ZNF649: variants seen among roughly 807,000 people sequenced by gnomAD.
The protein encoded by ZNF649 is zinc finger protein 649.
ZNF649 carries 7 observed loss-of-function variants against 14.1 expected under a neutral mutation model. That is an observed-to-expected ratio of 0.49 (90% CI 0.28 to 0.93). The LOEUF is 0.93. Ranked by LOEUF, ZNF649 falls within the 40% of genes least tolerant of loss-of-function variation. The pLI, the probability that ZNF649 is intolerant of heterozygous loss-of-function variation, is 0.10. For missense variants in ZNF649, 544 were observed against 608.1 expected (o/e 0.89, Z 1.11); for synonymous variants, 227 against 212.3 (o/e 1.07, Z -0.60).
In ZNF649 at chr19:51,891,161, T is replaced by C. The variant is rs1342933251; in HGVS notation, c.975A>G (p.Lys325=). Residue 325 remains lysine (K), a synonymous_variant, in exon 5 of 5, where the codon AAA becomes AAG. Transcript: ENST00000354957. The surrounding 1 kb of genome is among the most constrained non-coding windows in gnomAD (Gnocchi z 4.2). The part of the protein sequence containing the change: ...EKPHTCSECG[K]GFIQKGNLNI... ...TGAGATTGCCCTTCTGAATGAAGCCTTTTCCACATTCACTGCATGTATGAG... is the reference window on the plus strand; with the variant it reads ...TGAGATTGCCCTTCTGAATGAAGCCCTTTCCACATTCACTGCATGTATGAG... The C allele has an allele frequency of 1.9e-6, 3 of 1,614,168 alleles. No homozygotes were observed. In the East Asian group the frequency reaches 6.7e-5, roughly 36 times the overall value.
intron 4 of ZNF649, 133 bp from the exon 5 acceptor site, chr19:51,892,030 G>T (rs1415241537): frequency 3.7e-6 from 4 of 1,084,682 alleles, no homozygotes; most frequent in Non-Finnish European, 5.0e-6. Context: ...AAGTATAAGT[G>T]TTCCCTATCT....
chr19:51,903,037 G>A (rs781136421), intron 1 of ZNF649, among the ~76,000 whole-genome samples: 20 of 152,134 alleles, frequency 1.3e-4, no homozygotes, highest in Non-Finnish European at 2.6e-4. Context: ...ATGGGAAAAG[G>A]AATAAAGGAT....
chr19:51,903,813 C>T (rs960798770), intron 1 of ZNF649, among the ~76,000 whole-genome samples: 1 of 152,098 alleles, frequency 6.6e-6, no homozygotes, highest in East Asian at 1.9e-4. Context: ...AGCTAGATTC[C>T]GTCTGGGGGA....
At chr19:51,904,573 C>G (rs2085112630) in intron 1 of ZNF649, among the ~76,000 whole-genome samples, 1 of 152,140 alleles carries the variant, frequency 6.6e-6, no homozygotes, top group Non-Finnish European at 1.5e-5. Flanking sequence ...CTGCCCAGCA[C>G]CCCGGCTTCA....
At chr19:51,903,374 C>A (rs1441636985) in intron 1 of ZNF649, among the ~76,000 whole-genome samples, 1 of 152,156 alleles carries the variant, frequency 6.6e-6, no homozygotes, top group African/African-American at 2.4e-5. Context: ...TGGCAACCAG[C>A]CTCCCCCGTC....
At chr19:51,902,878 G>T (rs940482627) in intron 1 of ZNF649, among the ~76,000 whole-genome samples, 6 of 152,186 alleles carry the variant, frequency 3.9e-5, no homozygotes, top group Non-Finnish European at 8.8e-5. Flanking sequence ...ACTAAAAACA[G>T]AATGCTATAA....
intron 2 of ZNF649, chr19:51,897,325 A>C (rs2085068584): frequency 5.3e-6 from 1 of 187,446 alleles, no homozygotes; most frequent in Non-Finnish European, 1.1e-5. Context: ...GAAAGAAGCA[A>C]AGTCATAGTA....
In ZNF649 at chr19:51,891,184, G is replaced by A. The variant is rs757254640; in HGVS notation, c.952C>T (p.His318Tyr). 6 of 1,614,242 alleles carry A rather than the reference G, an allele frequency of 3.7e-6. No homozygotes were observed. Among genetic ancestry groups the A allele is most frequent in the Middle Eastern group, 1.6e-4 (1 of 6,062 alleles). The stretch of plus-strand genomic sequence containing the variant: ...CCTTTTCCACATTCACTGCATGTAT[G>A]AGGCTTCTCTCCTGTATGAGTTCGC... ...HQRTHTGEKP[H>Y]TCSECGKGFI... Residue 318 changes from histidine (H) to tyrosine (Y), a missense_variant, in exon 5 of 5, where the codon CAT becomes TAT. His to Tyr is a moderately conservative substitution (Grantham distance 83). Coordinates refer to ENST00000354957, the MANE Select transcript of ZNF649 (RefSeq NM_023074.4). The surrounding 1 kb of genome is among the most constrained non-coding windows in gnomAD (Gnocchi z 4.2).
chr19:51,901,862 G>C (rs1329325018), intron 1 of ZNF649, among the ~76,000 whole-genome samples: 1 of 149,672 alleles, frequency 6.7e-6, no homozygotes, highest in East Asian at 2.0e-4. Flanking sequence ...AGGACTGCTT[G>C]AGCCTGGGAG....
chr19:51,891,349 C>G lies in ZNF649; in HGVS notation c.787G>C (p.Gly263Arg), dbSNP rs1006713835. ...ERAHKGEKPY[G>R]CSECGKAFPR... ...AAGGCTTTCCCACATTCACTGCACC[C>G]GTATGGTTTCTCTCCTTTGTGAGCT... Residue 263 changes from glycine to arginine, a missense_variant, in exon 5 of 5, where the codon GGG (glycine) becomes CGG (arginine). Physicochemically the swap from Gly to Arg is moderately radical, Grantham distance 125. Transcript: ENST00000354957. This position sits in a 1 kb window ranked among gnomAD's most constrained non-coding sequence, Gnocchi z 4.2. 6.2e-7 allele frequency: 1 copy of G among 1,614,184 alleles called. No individual in the cohort carries two copies. Among genetic ancestry groups the G allele is most frequent in the Admixed American group, 1.7e-5 (1 of 60,022 alleles).
chr19:51,896,346 A>G (rs2085062162), intron 4 of ZNF649, 126 bp downstream of exon 4: 1 of 757,980 alleles, frequency 1.3e-6, no homozygotes, highest in African/African-American at 1.7e-5. Flanking sequence ...CTTGTATCCT[A>G]GGGGAGAAGA....
rs1371042127 is a variant in ZNF649 at position 51,891,832 on chromosome 19, C to G, written c.304G>C (p.Gly102Arg). 6.3e-7 allele frequency: 1 copy of G among 1,594,534 alleles called. No homozygotes were observed. The highest frequency in any genetic ancestry group is 2.2e-5 in the East Asian group (1 of 44,820). The change falls in exon 5 of 5, where the codon GGA (glycine) becomes CGA (arginine). Residue 102 changes from glycine to arginine, a missense_variant. Coordinates refer to ENST00000354957, the MANE Select transcript of ZNF649 (RefSeq NM_023074.4). This position sits in a 1 kb window ranked among gnomAD's most constrained non-coding sequence, Gnocchi z 4.2. ...GTTCTTCCGTGTTCATAGCGTTGTC[C>G]CGTCCTCTTCAGTATTTTTTGGTTT... ...LQNQKILKRT[G>R]QRYEHGRTLK... is the part of the protein sequence containing the mutation.
Position 51,891,976 on chromosome 19 carries a change from G to A in ZNF649, c.239-79C>T. ...TTCAAAGATGCCTTGGGGTTGGCTG[G>A]CTTTTTACTGGAACCCCTATAATAC... On this transcript the variant is annotated intron_variant, in intron 4 of 4. Transcript: ENST00000354957. This position sits in a 1 kb window ranked among gnomAD's most constrained non-coding sequence, Gnocchi z 4.2. The A allele has an allele frequency of 6.9e-7, 1 of 1,452,652 alleles. No homozygotes were observed. The highest frequency in any genetic ancestry group is 9.1e-7 in the Non-Finnish European group (1 of 1,096,538). 90.0% of individuals were successfully genotyped at this position (1,452,652 alleles called of 1,614,324 possible). A position where few individuals can be genotyped will look rare whatever the true frequency, so the allele number is the denominator to read the frequency against.
chr19:51,901,661 A>AAT (rs1412682128), intron 1 of ZNF649, among the ~76,000 whole-genome samples: 1 of 128,778 alleles, frequency 7.8e-6, no homozygotes, highest in African/African-American at 4.8e-5. Context: ...ATAAAAAAAT[A>AAT]AAAAAAAATA....
chr19:51,894,673 C>T (rs566421980), intron 4 of ZNF649, among the ~76,000 whole-genome samples: 1 of 152,292 alleles, frequency 6.6e-6, no homozygotes, highest in South Asian at 2.1e-4. Flanking sequence ...GTAACAAAAA[C>T]ATTTCACACG....
chr19:51,901,950 CAAAA>C (rs35820639), intron 1 of ZNF649, among the ~76,000 whole-genome samples: 1 of 63,610 alleles, frequency 1.6e-5, no homozygotes, highest in Non-Finnish European at 3.7e-5. Context: ...GACTCTGTAT[CAAAA>C]AAAAAAAAAA....
intron 4 of ZNF649, among the ~76,000 whole-genome samples, chr19:51,894,385 C>T (rs950199873): frequency 6.6e-6 from 1 of 152,144 alleles, no homozygotes. Context: ...CTGCCCAACT[C>T]GGCCTCCCAA....
At chr19:51,903,010 G>T (rs74423065) in intron 1 of ZNF649, among the ~76,000 whole-genome samples, 2,843 of 152,240 alleles carry the variant, frequency 0.019, 45 homozygotes, top group South Asian at 0.022. Context: ...CACCAAAGGT[G>T]AGTATTCTCA....
At chr19:51,904,776 A>T (rs1235969147) in intron 1 of ZNF649, 138 bp downstream of exon 1, 2 of 152,186 alleles carry the variant, frequency 1.3e-5, no homozygotes, top group African/African-American at 2.4e-5. Flanking sequence ...ACGCCCGACC[A>T]CAAGAACTCT....
Sources: gnomAD v4.1 joint callset for allele counts (sites outside exome capture counted in the v4.1 genomes callset) on GRCh38, gnomAD v4.1.1 for gene constraint, Gnocchi (gnomAD v3.1) non-coding constraint, MANE v1.5 for transcripts, NCBI Gene and HGNC (gene_info 2026-07-23, HGNC 2026-07-21) for gene names.